SHTN1: variants seen among roughly 807,000 people sequenced by gnomAD.
SHTN1 encodes shootin-1.
In SHTN1, 42 loss-of-function variants were observed where a neutral mutation model predicts 83.1. The observed-to-expected ratio is 0.51, with a 90% CI of 0.39 to 0.65. The LOEUF (loss-of-function observed/expected upper bound fraction) is 0.65, where lower values mean the gene tolerates loss of function less well. Ranked by LOEUF, SHTN1 falls within the 30% of genes least tolerant of loss-of-function variation. The probability of loss-of-function intolerance (pLI) is 0.00; values close to 1 mark genes in which losing one functional copy is unlikely to be tolerated. For synonymous variants in SHTN1, 224 were observed against 247.7 expected, an observed-to-expected ratio of 0.90 and a Z score of 0.90; for missense variants, 622 against 737.8, an observed-to-expected ratio of 0.84 and a Z score of 1.82.
intron 9 of SHTN1, among the ~76,000 whole-genome samples, chr10:116,939,187 T>C (rs9664187): frequency 0.057 from 8,647 of 152,218 alleles, 808 homozygotes; most frequent in African/African-American, 0.19. Flanking sequence ...TTCTGTGTTG[T>C]TGGAGTTCCA....
chr10:116,964,677 T>C (rs777251933), intron 3 of SHTN1, among the ~76,000 whole-genome samples: 2 of 152,206 alleles, frequency 1.3e-5, no homozygotes, highest in East Asian at 1.9e-4. Context: ...GGATCTAATA[T>C]TGTGGCTGAA....
chr10:117,005,165 G>A lies in SHTN1; in HGVS notation c.-86C>T, dbSNP rs897781864. On this transcript the variant is annotated 5_prime_UTR_variant, in exon 1 of 17. Transcript: ENST00000355371. ...AGGGGGAAGAAAAAGCAAGATGCCG[G>A]TGGCTTGCGGCTCCACTACCCGGAA... The A allele has an allele frequency of 3.2e-5, 50 of 1,545,130 alleles. No individual in the cohort carries two copies. The African/African-American group carries it at 3.6e-4, about 11-fold the overall frequency.
intron 1 of SHTN1, among the ~76,000 whole-genome samples, chr10:117,093,169 CAT>C (rs1455936856): frequency 1.3e-5 from 2 of 152,154 alleles, no homozygotes; most frequent in Non-Finnish European, 2.9e-5. Flanking sequence ...CCATATTACA[CAT>C]GAGGAACTAA....
chr10:116,891,655 G>C (rs1002751570), intron 16 of SHTN1, among the ~76,000 whole-genome samples: 1 of 152,152 alleles, frequency 6.6e-6, no homozygotes, highest in African/African-American at 2.4e-5. Flanking sequence ...GTGAACAGTA[G>C]TGGCATTACA....
chr10:117,012,528 T>A (rs1852122196), intron 2 of SHTN1, among the ~76,000 whole-genome samples: 1 of 152,194 alleles, frequency 6.6e-6, no homozygotes, highest in Non-Finnish European at 1.5e-5. Flanking sequence ...AACTTGGTGC[T>A]AGATCAACTG....
intron 2 of SHTN1, among the ~76,000 whole-genome samples, chr10:116,978,856 G>A (rs1200224076): frequency 6.6e-6 from 1 of 152,214 alleles, no homozygotes; most frequent in Non-Finnish European, 1.5e-5. Context: ...AAACACCAAT[G>A]ACTAATTCCA....
At chr10:116,980,707 T>C (rs1316790673) in intron 1 of SHTN1, among the ~76,000 whole-genome samples, 2 of 152,296 alleles carry the variant, frequency 1.3e-5, no homozygotes, top group East Asian at 1.9e-4. Context: ...CAGAAATGTA[T>C]GATTCTAACC....
intron 1 of SHTN1, among the ~76,000 whole-genome samples, chr10:117,076,569 T>C (rs718372): frequency 0.028 from 4,265 of 152,210 alleles, 142 homozygotes; most frequent in East Asian, 0.12. Flanking sequence ...ATGTATACCA[T>C]AATTCCATAT....
chr10:117,007,720 A>G (rs1168717346), upstream of SHTN1, among the ~76,000 whole-genome samples: 1 of 151,970 alleles, frequency 6.6e-6, no homozygotes, highest in East Asian at 1.9e-4. Flanking sequence ...AAAGGATAGA[A>G]GTGATAAATT....
chr10:116,944,020 C>A (rs1233014477), intron 8 of SHTN1, among the ~76,000 whole-genome samples: 1 of 152,250 alleles, frequency 6.6e-6, no homozygotes, highest in East Asian at 1.9e-4. Flanking sequence ...AGAGGAAGAT[C>A]AGTAGGCTGG....
chr10:117,017,052 G>A (rs1194149935), intron 2 of SHTN1, among the ~76,000 whole-genome samples: 2 of 152,126 alleles, frequency 1.3e-5, no homozygotes, highest in African/African-American at 4.8e-5. Flanking sequence ...TTCTAAGGCT[G>A]TGGCAGGAGG....
chr10:116,910,622 A>G (rs1848154060), intron 14 of SHTN1, among the ~76,000 whole-genome samples: 1 of 152,138 alleles, frequency 6.6e-6, no homozygotes, highest in African/African-American at 2.4e-5. Flanking sequence ...AGTATAGTCT[A>G]CTCTTTCACT....
chr10:116,955,891 CAAGATAA>C (rs2133430561), intron 4 of SHTN1, among the ~76,000 whole-genome samples: 2 of 152,248 alleles, frequency 1.3e-5, no homozygotes, highest in African/African-American at 4.8e-5. Flanking sequence ...ATTAGGAGAT[CAAGATAA>C]AAGATGAGGC....
chr10:117,022,840 G>A (rs1247532307), intron 2 of SHTN1, among the ~76,000 whole-genome samples: 1 of 152,188 alleles, frequency 6.6e-6, no homozygotes, highest in African/African-American at 2.4e-5. Flanking sequence ...AGAATCACTT[G>A]AAGGGAAGGG....
chr10:117,047,078 T>A (rs1257170833), intron 2 of SHTN1, among the ~76,000 whole-genome samples: 2 of 152,070 alleles, frequency 1.3e-5, no homozygotes, highest in East Asian at 3.9e-4. Context: ...ATATATATAT[T>A]TTTTGAGACA....
At chr10:117,022,525 A>G (rs1852277993) in intron 2 of SHTN1, among the ~76,000 whole-genome samples, 1 of 152,166 alleles carries the variant, frequency 6.6e-6, no homozygotes. Flanking sequence ...GCAATATGCC[A>G]TGAAAAAAAA....
upstream of SHTN1, chr10:117,005,303 GCCCA>G: frequency 1.4e-6 from 2 of 1,417,836 alleles, no homozygotes; most frequent in African/African-American, 1.4e-5. Context: ...GGCGGGGCGG[GCCCA>G]GCAGTCCCGT....
intron 1 of SHTN1, 39 bp downstream of exon 1, chr10:117,004,983 G>T: frequency 6.4e-7 from 1 of 1,558,532 alleles, no homozygotes. Context: ...CCGCCCACGG[G>T]CCGCGGCTGC....
chr10:117,058,869 C>T (rs576484143), intron 1 of SHTN1, among the ~76,000 whole-genome samples: 66 of 152,104 alleles, frequency 4.3e-4, no homozygotes, highest in Non-Finnish European at 7.5e-4. Flanking sequence ...GGGCATTAGG[C>T]TAAGTGAAAT....
Sources: gnomAD v4.1 joint callset for allele counts (sites outside exome capture counted in the v4.1 genomes callset) on GRCh38, gnomAD v4.1.1 for gene constraint, MANE v1.5 for transcripts, NCBI Gene and HGNC (gene_info 2026-07-23, HGNC 2026-07-21) for gene names.